The following RIMS1 variants were observed in gnomAD, a reference collection of about 807,000 sequenced individuals.
RIMS1 encodes the protein regulating synaptic membrane exocytosis 1, also known as regulating synaptic membrane exocytosis protein 1.
In RIMS1, 83 loss-of-function variants were observed where a neutral mutation model predicts 214.1. The observed-to-expected ratio is 0.39, with a 90% CI of 0.32 to 0.47. The LOEUF is 0.47. RIMS1 is among the 20% of genes least tolerant of loss of function. The probability of loss-of-function intolerance (pLI) is 0.99; values close to 1 mark genes in which losing one functional copy is unlikely to be tolerated. For missense variants in RIMS1, 2,050 were observed against 2,161.8 expected (o/e 0.95, Z 1.03); for synonymous variants, 793 against 786.8 (o/e 1.01, Z -0.13).
chr6:72,366,986 G>GT, intron 29 of RIMS1: 1 of 320,868 alleles, frequency 3.1e-6, no homozygotes, highest in Non-Finnish European at 4.5e-6. Flanking sequence ...TTTCAGTGTT[G>GT]TTTAACAGTT....
chr6:72,013,516 G>A (rs1811602449), intron 2 of RIMS1, among the ~76,000 whole-genome samples: 1 of 152,138 alleles, frequency 6.6e-6, no homozygotes, highest in South Asian at 2.1e-4. Flanking sequence ...AACATATGAT[G>A]ACAATATACT....
chr6:72,190,174 G>A (rs190786192), intron 6 of RIMS1, among the ~76,000 whole-genome samples: 75 of 152,224 alleles, frequency 4.9e-4, no homozygotes, highest in Non-Finnish European at 8.5e-4. Flanking sequence ...TAGAAAGGGG[G>A]TGTAGTAGGC....
At chr6:72,217,509 A>G (rs1185306666) in intron 6 of RIMS1, among the ~76,000 whole-genome samples, 1 of 152,206 alleles carries the variant, frequency 6.6e-6, no homozygotes, top group Non-Finnish European at 1.5e-5. Flanking sequence ...TTAACTTGAG[A>G]TATATAGATA....
chr6:71,954,317 A>G (rs1341539111), intron 1 of RIMS1, among the ~76,000 whole-genome samples: 1 of 152,198 alleles, frequency 6.6e-6, no homozygotes, highest in African/African-American at 2.4e-5. Flanking sequence ...CTGAATGCAA[A>G]TTTACCTCTC....
chr6:71,943,794 C>T (rs918673138), intron 1 of RIMS1, among the ~76,000 whole-genome samples: 5 of 152,108 alleles, frequency 3.3e-5, no homozygotes, highest in South Asian at 2.1e-4. Context: ...ATGGCGTATT[C>T]GAACACTAAA....
At chr6:72,307,699 A>T (rs944489474) in intron 27 of RIMS1, among the ~76,000 whole-genome samples, 2 of 152,136 alleles carry the variant, frequency 1.3e-5, no homozygotes. Flanking sequence ...GTGAGCCGAG[A>T]TCGCACCACT....
intron 4 of RIMS1, among the ~76,000 whole-genome samples, chr6:72,154,244 G>C (rs530928923): frequency 7.0e-6 from 1 of 141,960 alleles, no homozygotes; most frequent in East Asian, 2.0e-4. Context: ...TCTTTTGCTT[G>C]AGGTTTTTGG....
intron 2 of RIMS1, among the ~76,000 whole-genome samples, chr6:72,074,666 A>G (rs990989230): frequency 1.3e-5 from 2 of 152,176 alleles, no homozygotes; most frequent in South Asian, 2.1e-4. Flanking sequence ...TCCTGCCTCC[A>G]AAGGGGAAAA....
rs1017235293 is a variant in RIMS1, at chr6:72,182,776, G to C, written c.1305G>C (p.Glu435Asp). Residue 435 changes from glutamate (E) to aspartate (D), a missense_variant, in exon 6 of 34, where the codon GAG becomes GAC. By Grantham distance (45) the Glu-to-Asp change is conservative. Coordinates refer to ENST00000521978, the MANE Select transcript of RIMS1 (RefSeq NM_014989.7). The part of the protein sequence containing the change: ...PRAYSAERTA[E>D]TRAPGAKQLT... ...CTTACTCGGCTGAGAGAACTGCGGA[G>C]ACCAGGGCGCCGGGCGCCAAGCAGC... is the stretch of plus-strand genomic sequence containing the variant. The C allele has an allele frequency of 1.8e-5, 28 of 1,545,240 alleles. No homozygotes were observed. Among genetic ancestry groups the C allele is most frequent in the African/African-American group, 2.7e-5 (2 of 73,148 alleles).
intron 17 of RIMS1, among the ~76,000 whole-genome samples, chr6:72,258,718 C>G (rs1443766109): frequency 6.6e-6 from 1 of 152,096 alleles, no homozygotes; most frequent in African/African-American, 2.4e-5. Flanking sequence ...TCATTTTACT[C>G]TGATATACAC....
At chr6:72,366,884 A>G (rs1347393099) in intron 29 of RIMS1, 1 of 977,258 alleles carries the variant, frequency 1.0e-6, no homozygotes, top group Non-Finnish European at 1.2e-6. Flanking sequence ...TATGTTCCTT[A>G]TATGTATTTA....
chr6:72,075,884 C>T (rs1586382495), intron 2 of RIMS1, among the ~76,000 whole-genome samples: 2 of 152,110 alleles, frequency 1.3e-5, no homozygotes, highest in African/African-American at 4.8e-5. Flanking sequence ...TTATAGAATT[C>T]TTCCATGAAG....
chr6:72,344,772 G>T (rs1467870462), intron 29 of RIMS1, among the ~76,000 whole-genome samples: 1 of 151,626 alleles, frequency 6.6e-6, no homozygotes, highest in Non-Finnish European at 1.5e-5. Context: ...CTAAAGAGAT[G>T]CCCTAATAAG....
At chr6:72,289,965 A>G (rs976664178) in intron 24 of RIMS1, among the ~76,000 whole-genome samples, 4 of 152,206 alleles carry the variant, frequency 2.6e-5, no homozygotes, top group Admixed American at 6.5e-5. Flanking sequence ...AATTGGCTTT[A>G]TAATAATTTT....
chr6:72,121,796 A>C (rs970647697), intron 4 of RIMS1, among the ~76,000 whole-genome samples: 4 of 151,850 alleles, frequency 2.6e-5, no homozygotes, highest in Admixed American at 6.6e-5. Flanking sequence ...GGTTTGTCAT[A>C]AATAGTTCTT....
chr6:72,176,253 A>T (rs2047687507), intron 4 of RIMS1, among the ~76,000 whole-genome samples: 1 of 152,112 alleles, frequency 6.6e-6, no homozygotes, highest in Non-Finnish European at 1.5e-5. Flanking sequence ...AATAAATAGC[A>T]TTTTTTTGTA....
intron 16 of RIMS1, among the ~76,000 whole-genome samples, chr6:72,256,938 G>A (rs1409722719): frequency 1.3e-5 from 2 of 151,680 alleles, no homozygotes; most frequent in Non-Finnish European, 2.9e-5. Flanking sequence ...GTGACAAAAT[G>A]TTTGTATTTC....
intron 2 of RIMS1, among the ~76,000 whole-genome samples, chr6:72,063,578 C>A (rs535681843): frequency 6.6e-6 from 1 of 152,142 alleles, no homozygotes; most frequent in Non-Finnish European, 1.5e-5. Context: ...AGTCACAACA[C>A]TCAAGGACTG....
At chr6:72,321,192 T>C (rs2096139384) in intron 28 of RIMS1, among the ~76,000 whole-genome samples, 1 of 152,130 alleles carries the variant, frequency 6.6e-6, no homozygotes, top group African/African-American at 2.4e-5. Flanking sequence ...ATACAACAAA[T>C]TAGTTGTATT....
Sources: gnomAD v4.1 joint callset for allele counts (sites outside exome capture counted in the v4.1 genomes callset) on GRCh38, gnomAD v4.1.1 for gene constraint, MANE v1.5 for transcripts, NCBI Gene and HGNC (gene_info 2026-07-23, HGNC 2026-07-21) for gene names.